The following MGST1 variants were observed in gnomAD, a reference collection of about 807,000 sequenced individuals.
MGST1 encodes microsomal glutathione S-transferase 1.
In MGST1, 5 loss-of-function variants were observed where a neutral mutation model predicts 8.9. The ratio of observed to expected loss-of-function variants is 0.56; its 90% confidence interval spans 0.29 to 1.19. The LOEUF (loss-of-function observed/expected upper bound fraction) is 1.19. Among genes scored for constraint, MGST1 ranks in the 50% most tolerant of loss-of-function variants. The pLI is 0.08. For synonymous variants in MGST1, 54 were observed against 67.8 expected, an observed-to-expected ratio of 0.80 and a Z score of 1.00; for missense variants, 182 against 187.4, an observed-to-expected ratio of 0.97 and a Z score of 0.17.
intron 4 of MGST1, among the ~76,000 whole-genome samples, chr12:16,463,083 A>AT (rs1477180807): frequency 6.6e-6 from 1 of 152,088 alleles, no homozygotes; most frequent in East Asian, 1.9e-4. Flanking sequence ...TTGTCAATCT[A>AT]TTTTTTAATG....
chr12:16,369,170 G>C (rs1377307314), downstream of MGST1, among the ~76,000 whole-genome samples: 1 of 152,156 alleles, frequency 6.6e-6, no homozygotes, highest in Non-Finnish European at 1.5e-5. The surrounding 1 kb of genome is among the most constrained non-coding windows in gnomAD (Gnocchi z 4.8). Context: ...CTATATCTGT[G>C]TCTTGAGTCT....
In MGST1 at chr12:16,486,740, C is replaced by T. The variant is rs144008047; in HGVS notation, n.483-102788C>T. Among the ~76,000 whole-genome samples the T allele has an allele frequency of 3.2e-3, 480 of 152,244 alleles. 6 individuals carry two copies. Among genetic ancestry groups the T allele is most frequent in the African/African-American group, 0.011 (469 of 41,552 alleles). On this transcript the variant is annotated intron_variant and non_coding_transcript_variant, in intron 4 of 4. Transcript: ENST00000538857. ...ATACGATCAGTCCTGGAGGAAGGCT[C>T]ACAGAGTAGATCAAGCCACTAGCCA...
At chr12:16,431,000 T>C (rs1319653268) in intron 1 of MGST1, among the ~76,000 whole-genome samples, 1 of 152,230 alleles carries the variant, frequency 6.6e-6, no homozygotes, top group Non-Finnish European at 1.5e-5. Context: ...TCTACATAAC[T>C]TGCCGAAGCT....
rs549044051 is a variant in MGST1, at chr12:16,545,569, C to T, written n.483-43959C>T. Among the ~76,000 whole-genome samples the T allele has an allele frequency of 8.5e-5, 13 of 152,092 alleles. No individual in the cohort carries two copies. In the South Asian group the frequency reaches 2.5e-3, roughly 29 times the overall value. On this transcript the variant is annotated intron_variant and non_coding_transcript_variant, in intron 4 of 4. Coordinates refer to the MGST1 transcript ENST00000538857. ...TATTATCTTGATTCTGAGACTGTAGCCTCACATTATTATGGCATATTTATC... is the reference window on the plus strand; with the variant it reads ...TATTATCTTGATTCTGAGACTGTAGTCTCACATTATTATGGCATATTTATC...
Position 16,369,419 on chromosome 12 carries a change from G to C in MGST1, c.222-6703G>C, listed in dbSNP as rs1294443177. Among the ~76,000 whole-genome samples, 1 of 152,016 alleles carries C rather than the reference G, an allele frequency of 6.6e-6. No individual in the cohort carries two copies. Among genetic ancestry groups the C allele is most frequent in the East Asian group, 1.9e-4 (1 of 5,164 alleles). On this transcript the variant is annotated intron_variant, in intron 3 of 3. Transcript: ENST00000535309. This position sits in a 1 kb window ranked among gnomAD's most constrained non-coding sequence, Gnocchi z 4.8. Reference sequence around the variant, plus strand: ...AGCCAGGCGGTCCTGCTGAATATGTGTCTGGGTTCTCTAAGGAATCTGGAA... The same window carrying C: ...AGCCAGGCGGTCCTGCTGAATATGTCTCTGGGTTCTCTAAGGAATCTGGAA...
chr12:16,572,641 T>C (rs1357209001), intron 4 of MGST1, among the ~76,000 whole-genome samples: 1 of 148,500 alleles, frequency 6.7e-6, no homozygotes, highest in Admixed American at 6.7e-5. Context: ...ACTTGTAAAA[T>C]ATATTTAAGT....
At position 16,544,832 on chromosome 12, in the gene MGST1, T is replaced by C. The variant is rs940671821; in HGVS notation, n.483-44696T>C. Among the ~76,000 whole-genome samples the C allele has an allele frequency of 7.2e-5, 11 of 152,054 alleles. No homozygotes were observed. Among genetic ancestry groups the C allele is most frequent in the African/African-American group, 9.7e-5 (4 of 41,438 alleles). On this transcript the variant is annotated intron_variant and non_coding_transcript_variant, in intron 4 of 4. Transcript: ENST00000538857. The surrounding 1 kb of genome is among the most constrained non-coding windows in gnomAD (Gnocchi z 4.8). ...AGTTCCATTGATGTGATAGGGAGGATGACTATTAAATTATCGGCTAACTTG... is the reference window on the plus strand; with the variant it reads ...AGTTCCATTGATGTGATAGGGAGGACGACTATTAAATTATCGGCTAACTTG...
At chr12:16,432,379 A>G (rs1482443805) in intron 1 of MGST1, among the ~76,000 whole-genome samples, 2 of 152,084 alleles carry the variant, frequency 1.3e-5, no homozygotes, top group African/African-American at 4.8e-5. Flanking sequence ...AAAATCCACA[A>G]TAAGTTAGGA....
intron 4 of MGST1, among the ~76,000 whole-genome samples, chr12:16,545,752 C>T (rs968797793): frequency 5.9e-5 from 9 of 152,056 alleles, no homozygotes; most frequent in African/African-American, 2.2e-4. Context: ...AAAGAAAGAG[C>T]TCCCAAACAG....
At chr12:16,478,092 C>T (rs926470629) in intron 4 of MGST1, among the ~76,000 whole-genome samples, 25 of 152,162 alleles carry the variant, frequency 1.6e-4, no homozygotes, top group African/African-American at 5.1e-4. Flanking sequence ...TGCAGTGGCA[C>T]GATCTTGGCT....
intron 4 of MGST1, among the ~76,000 whole-genome samples, chr12:16,577,543 T>C (rs1943032379): frequency 6.6e-6 from 1 of 152,202 alleles, no homozygotes. Context: ...AGCCAGATTT[T>C]CTACTAGATG....
chr12:16,577,088 A>G (rs1376369018), intron 4 of MGST1, among the ~76,000 whole-genome samples: 1 of 152,178 alleles, frequency 6.6e-6, no homozygotes, highest in African/African-American at 2.4e-5. Context: ...TCAGAATTCT[A>G]ATATTAGCAG....
At chr12:16,480,702 G>A (rs1196376222) in intron 4 of MGST1, among the ~76,000 whole-genome samples, 8 of 152,126 alleles carry the variant, frequency 5.3e-5, no homozygotes, top group African/African-American at 1.9e-4. Context: ...TTCTGTAAGG[G>A]ATCAGGTAGT....
downstream of MGST1, among the ~76,000 whole-genome samples, chr12:16,592,729 G>A (rs1943532350): frequency 1.3e-5 from 2 of 151,874 alleles, no homozygotes; most frequent in African/African-American, 4.8e-5. Flanking sequence ...AAATGTAACA[G>A]TCTTGATTCT....
intron 4 of MGST1, among the ~76,000 whole-genome samples, chr12:16,480,806 C>A (rs1469458629): frequency 6.6e-6 from 1 of 152,048 alleles, no homozygotes; most frequent in Non-Finnish European, 1.5e-5. Context: ...CCTGGTAGCT[C>A]CCACCTGTAA....
intron 1 of MGST1, among the ~76,000 whole-genome samples, chr12:16,384,630 G>A (rs1278601222): frequency 6.6e-6 from 1 of 152,332 alleles, no homozygotes; most frequent in Non-Finnish European, 1.5e-5. Flanking sequence ...AAGCCGCTAA[G>A]TTTGTGGTAA....
chr12:16,468,855 T>C (rs1369543963), intron 4 of MGST1, among the ~76,000 whole-genome samples: 1 of 152,222 alleles, frequency 6.6e-6, no homozygotes, highest in Non-Finnish European at 1.5e-5. Context: ...TCAGCATCAC[T>C]AGCAGCTAGA....
intron 2 of MGST1, among the ~76,000 whole-genome samples, chr12:16,355,848 G>C (rs1939694365): frequency 6.6e-6 from 1 of 152,178 alleles, no homozygotes; most frequent in African/African-American, 2.4e-5. Flanking sequence ...CCTTTGGGCT[G>C]CTCTTACAAA....
chr12:16,508,981 A>G (rs996809629), intron 4 of MGST1, among the ~76,000 whole-genome samples: 2 of 152,152 alleles, frequency 1.3e-5, no homozygotes, highest in Non-Finnish European at 2.9e-5. Context: ...AAGATTCTTG[A>G]TGCTGCTGCT....
Sources: allele counts gnomAD v4.1 joint callset (sites outside exome capture counted in the v4.1 genomes callset), GRCh38; gene constraint gnomAD v4.1.1; non-coding constraint Gnocchi (gnomAD v3.1); transcripts MANE v1.5; gene names NCBI Gene and HGNC (gene_info 2026-07-23, HGNC 2026-07-21).